Variants in CEP89 observed in about 807,000 individuals in gnomAD.
CEP89 encodes the protein centrosomal protein of 89 kDa.
Under a neutral mutation model 97.6 loss-of-function variants are expected in CEP89, and 95 were observed. The observed-to-expected ratio is 0.97, with a 90% confidence interval of 0.82 to 1.15. The LOEUF is 1.15. CEP89 is among the 50% of genes most tolerant of loss of function. CEP89 has a pLI of 0.00. For missense variants in CEP89, 869 were observed against 947.7 expected, an observed-to-expected ratio of 0.92 and a Z score of 1.09; for synonymous variants, 354 against 349.1, an observed-to-expected ratio of 1.01 and a Z score of -0.16.
chr19:32,900,847 G>T (rs751414230), intron 15 of CEP89, among the ~76,000 whole-genome samples: 4 of 149,862 alleles, frequency 2.7e-5, no homozygotes, highest in East Asian at 2.0e-4. Context: ...ATTAGAAAAA[G>T]AAAAGATTAA....
rs758657889 is a variant in CEP89 at position 32,879,325 on chromosome 19, C to T, written c.2189G>A (p.Arg730Gln). The change falls in exon 19 of 19, where the codon CGA (arginine) becomes CAA (glutamine). Residue 730 changes from arginine (R) to glutamine (Q), a missense_variant. Transcript: ENST00000305768. ...GTCCTGGAGAAGTTCTCGGATTCTTCGGTTTTCCCTGAAGGTAGATTCCCA... is the reference window on the plus strand; with the variant it reads ...GTCCTGGAGAAGTTCTCGGATTCTTTGGTTTTCCCTGAAGGTAGATTCCCA... ...VIWESTFREN[R>Q]RIRELLQDTL... 80 of 1,614,126 alleles carry T rather than the reference C, an allele frequency of 5.0e-5. 2 individuals carry two copies. The highest frequency in any genetic ancestry group is 4.5e-4 in the South Asian group (41 of 91,094).
In CEP89 at chr19:32,931,415, A is replaced by G. The variant is rs369599510; in HGVS notation, c.1029+14T>C. On this transcript the variant is annotated intron_variant, in intron 9 of 18. Transcript: ENST00000305768. ...AAAATCTGAAAAGCTGATTTTCACA[A>G]TCGGAAACGTTACCTCTTCCTTGGA... is the stretch of plus-strand genomic sequence containing the variant. 7.7e-6 allele frequency: 12 copies of G among 1,557,370 alleles called. No homozygotes were observed. Among genetic ancestry groups the G allele is most frequent in the Non-Finnish European group, 9.5e-6 (11 of 1,160,356 alleles).
chr19:32,900,394 C>G (rs1165513186), intron 15 of CEP89, among the ~76,000 whole-genome samples: 2 of 151,626 alleles, frequency 1.3e-5, no homozygotes. Flanking sequence ...TAGAGGCATG[C>G]GCCACCACAC....
At chr19:32,881,701 C>A in intron 18 of CEP89, 143 bp downstream of exon 18, 1 of 731,804 alleles carries the variant, frequency 1.4e-6, no homozygotes, top group South Asian at 2.6e-5. Context: ...AACTTGAGAC[C>A]AATATTACAT....
chr19:32,912,824 C>T (rs923351592), intron 14 of CEP89, among the ~76,000 whole-genome samples: 17 of 151,652 alleles, frequency 1.1e-4, no homozygotes, highest in African/African-American at 3.9e-4. Flanking sequence ...GGGTGGATCA[C>T]GAGGTCAGGA....
intron 8 of CEP89, among the ~76,000 whole-genome samples, chr19:32,932,037 C>T (rs950458954): frequency 1.3e-5 from 2 of 151,944 alleles, no homozygotes; most frequent in African/African-American, 4.8e-5. Context: ...AAAAATTAGC[C>T]GGGCGTAATG....
At chr19:32,890,953 T>G (rs1246515840) in intron 16 of CEP89, among the ~76,000 whole-genome samples, 2 of 151,972 alleles carry the variant, frequency 1.3e-5, no homozygotes, top group Non-Finnish European at 2.9e-5. Flanking sequence ...GCCACGGACA[T>G]CTCCCCACAT....
chr19:32,944,231 A>AAAAAAAAAAAAAAAAAAAAC, intron 5 of CEP89, among the ~76,000 whole-genome samples: 1 of 119,736 alleles, frequency 8.4e-6, no homozygotes, highest in Non-Finnish European at 1.7e-5. Context: ...AAAAAAAAAA[A>AAAAAAAAAAAAAAAAAAAAC]AAAAAAGACT....
intron 16 of CEP89, among the ~76,000 whole-genome samples, chr19:32,896,101 A>G (rs1462947046): frequency 6.6e-6 from 1 of 152,246 alleles, no homozygotes; most frequent in African/African-American, 2.4e-5. Context: ...TTTTTCACAG[A>G]AATAGAATAA....
chr19:32,911,720 A>G (rs1970004748), intron 14 of CEP89, among the ~76,000 whole-genome samples: 2 of 152,210 alleles, frequency 1.3e-5, no homozygotes, highest in Non-Finnish European at 2.9e-5. Flanking sequence ...ACCAGGCTCC[A>G]GTAATTGGAA....
At chr19:32,970,490 C>CA (rs11422783) in intron 1 of CEP89, 39,095 of 147,140 alleles carry the variant, frequency 0.27, 5,249 homozygotes, top group Admixed American at 0.35. Flanking sequence ...CCATCTCTAC[C>CA]AAAAAAAAAA....
chr19:32,892,273 A>C (rs2145877473), intron 16 of CEP89, among the ~76,000 whole-genome samples: 1 of 143,348 alleles, frequency 7.0e-6, no homozygotes, highest in South Asian at 2.2e-4. Flanking sequence ...CTCTCATAAG[A>C]CTAACAGCGT....
chr19:32,878,771 C>T lies in CEP89; in HGVS notation c.*391G>A, dbSNP rs1230932920. The T allele has an allele frequency of 1.3e-5, 2 of 159,772 alleles. No homozygotes were observed. Among genetic ancestry groups the T allele is most frequent in the Non-Finnish European group, 2.7e-5 (2 of 73,338 alleles). 9.9% of individuals were successfully genotyped at this position (159,772 alleles called of 1,614,324 possible). ...CAGATTGAGGCCAGGAGTTCAAGACCAGCCTGAGCAACATAGCAAGACCTC... is the reference window on the plus strand; with the variant it reads ...CAGATTGAGGCCAGGAGTTCAAGACTAGCCTGAGCAACATAGCAAGACCTC... On this transcript the variant is annotated 3_prime_UTR_variant, in exon 19 of 19. Coordinates refer to ENST00000305768, the MANE Select transcript of CEP89 (RefSeq NM_032816.5).
chr19:32,938,009 T>A (rs1970613264), intron 6 of CEP89, among the ~76,000 whole-genome samples: 1 of 150,190 alleles, frequency 6.7e-6, no homozygotes, highest in African/African-American at 2.5e-5. Context: ...CTAATTTTTT[T>A]TTTTTTTTTT....
chr19:32,922,469 G>A (rs2145916953), intron 12 of CEP89, among the ~76,000 whole-genome samples: 1 of 152,304 alleles, frequency 6.6e-6, no homozygotes, highest in African/African-American at 2.4e-5. Context: ...CTTTAGCCCA[G>A]GAGGTTGAGG....
At chr19:32,939,433 T>C (rs150003676) in intron 6 of CEP89, among the ~76,000 whole-genome samples, 347 of 152,148 alleles carry the variant, frequency 2.3e-3, no homozygotes, top group African/African-American at 8.2e-3. Flanking sequence ...TCCCAGCATT[T>C]TGGGAGGTCG....
intron 1 of CEP89, 138 bp downstream of exon 1, chr19:32,971,698 C>T (rs1971415102): frequency 2.6e-6 from 2 of 782,876 alleles, no homozygotes; most frequent in East Asian, 2.7e-5. Context: ...AAAATCAAGG[C>T]TTCCTCAACT....
rs550770528 is a variant in CEP89, at chr19:32,936,107, T to C, written c.667+1524A>G. ...CCTCGGGGGCCTGGGAAGGCTCCCG[T>C]GTCCCCGCAGGCTTATGGGTGTTTG... On this transcript the variant is annotated intron_variant, in intron 7 of 18. Coordinates refer to ENST00000305768, the MANE Select transcript of CEP89 (RefSeq NM_032816.5). This position sits in a 1 kb window ranked among gnomAD's most constrained non-coding sequence, Gnocchi z 4.5. 1.1e-3 allele frequency among the ~76,000 whole-genome samples: 163 copies of C among 152,208 alleles called. No homozygotes were observed. Among genetic ancestry groups the C allele is most frequent in the African/African-American group, 3.9e-3 (160 of 41,536 alleles).
At position 32,925,739 on chromosome 19, in the gene CEP89, C is replaced by G. The variant is rs576907662; in HGVS notation, c.1164+451G>C. On this transcript the variant is annotated intron_variant, in intron 11 of 18. Transcript: ENST00000305768. ...CTGACCTCATGTGATCCACCCACCT[C>G]GGCCTCCCAAAGTGCTGAGATTACA... Among the ~76,000 whole-genome samples, 206 of 152,174 alleles carry G rather than the reference C, an allele frequency of 1.4e-3. 1 individual carries two copies. Among genetic ancestry groups the G allele is most frequent in the African/African-American group, 4.8e-3 (201 of 41,530 alleles).
Sources: allele counts gnomAD v4.1 joint callset (sites outside exome capture counted in the v4.1 genomes callset), GRCh38; gene constraint gnomAD v4.1.1; non-coding constraint Gnocchi (gnomAD v3.1); transcripts MANE v1.5; gene names NCBI Gene and HGNC (gene_info 2026-07-23, HGNC 2026-07-21).